Variants in SUPT3H observed in about 807,000 individuals in gnomAD.
SUPT3H encodes SPT3 homolog, SAGA and STAGA complex component.
SUPT3H carries 44 observed loss-of-function variants against 44.3 expected under a neutral mutation model. The observed-to-expected ratio is 0.99, with a 90% confidence interval of 0.78 to 1.28. The LOEUF (loss-of-function observed/expected upper bound fraction) is 1.28. Ranked by LOEUF, SUPT3H falls within the 50% of genes most tolerant of loss-of-function variation. The pLI is 0.00. For synonymous variants in SUPT3H, 124 were observed against 125.6 expected, an observed-to-expected ratio of 0.99 and a Z score of 0.09; for missense variants, 380 against 387.1, an observed-to-expected ratio of 0.98 and a Z score of 0.15.
chr6:44,870,598 CAAAAAAAAAAAAA>C (rs775096457), intron 10 of SUPT3H, among the ~76,000 whole-genome samples: 1 of 73,932 alleles, frequency 1.4e-5, no homozygotes, highest in Admixed American at 1.5e-4. Context: ...GACTCTGTCT[CAAAAAAAAAAAAA>C]AAAAGAAAGA....
intron 4 of SUPT3H, among the ~76,000 whole-genome samples, chr6:45,018,668 G>C (rs1262643264): frequency 6.6e-6 from 1 of 151,930 alleles, no homozygotes; most frequent in Non-Finnish European, 1.5e-5. Context: ...TGCGTATATT[G>C]AACTAGCCTT....
chr6:44,970,030 T>C (rs1777344282), intron 6 of SUPT3H, among the ~76,000 whole-genome samples: 2 of 152,180 alleles, frequency 1.3e-5, no homozygotes, highest in Admixed American at 1.3e-4. Context: ...TGTGCTACTA[T>C]GACATAATAG....
At chr6:45,215,358 C>A (rs1024259742) in intron 2 of SUPT3H, among the ~76,000 whole-genome samples, 8 of 152,038 alleles carry the variant, frequency 5.3e-5, no homozygotes, top group Non-Finnish European at 1.2e-4. Flanking sequence ...AAAAAGATAA[C>A]TATGATATGC....
At chr6:44,918,147 A>G (rs1768104828) in intron 10 of SUPT3H, among the ~76,000 whole-genome samples, 1 of 152,088 alleles carries the variant, frequency 6.6e-6, no homozygotes, top group Admixed American at 6.6e-5. Flanking sequence ...TCCCCTTGAA[A>G]CCACTCCCAC....
At chr6:45,175,872 G>A (rs1020465262) in intron 2 of SUPT3H, among the ~76,000 whole-genome samples, 9 of 152,166 alleles carry the variant, frequency 5.9e-5, no homozygotes, top group African/African-American at 7.2e-5. Context: ...TTATTCTCAT[G>A]TGACATCAAG....
At chr6:45,022,421 T>G (rs1459023434) in intron 3 of SUPT3H, among the ~76,000 whole-genome samples, 4 of 151,992 alleles carry the variant, frequency 2.6e-5, no homozygotes, top group South Asian at 2.1e-4. Context: ...CACTGTTTTT[T>G]TTTTTTTTTT....
chr6:44,950,798 CT>C (rs11413627), intron 9 of SUPT3H, among the ~76,000 whole-genome samples: 3,392 of 135,382 alleles, frequency 0.025, 109 homozygotes, highest in African/African-American at 0.078. Context: ...CCATTTGGAT[CT>C]TTTTTTTTTT....
At chr6:45,118,845 T>G (rs1801200777) in intron 2 of SUPT3H, among the ~76,000 whole-genome samples, 1 of 152,194 alleles carries the variant, frequency 6.6e-6, no homozygotes, top group South Asian at 2.1e-4. Flanking sequence ...CCCTGTTATG[T>G]TCTTTGGCCA....
intron 2 of SUPT3H, among the ~76,000 whole-genome samples, chr6:45,326,432 T>C (rs1786354747): frequency 6.6e-6 from 1 of 151,924 alleles, no homozygotes; most frequent in Admixed American, 6.6e-5. Context: ...GACTTATTTA[T>C]AAAAGAGAAA....
chr6:44,891,165 A>G lies in SUPT3H; in HGVS notation c.912+41488T>C, dbSNP rs1763256301. On this transcript the variant is annotated intron_variant, in intron 10 of 10. Coordinates refer to ENST00000371459, the MANE Select transcript of SUPT3H (RefSeq NM_003599.4). ...GAAGACCTCTTAAGAAGTCAAAAAA[A>G]GAAATAAAAAATAAAATGGTACAGC... Among the ~76,000 whole-genome samples, 3 of 152,304 alleles carry G rather than the reference A, an allele frequency of 2.0e-5. No homozygotes were observed. The South Asian group carries it at 6.2e-4, about 32-fold the overall frequency.
intron 1 of SUPT3H, among the ~76,000 whole-genome samples, chr6:45,375,710 A>C (rs1582026697): frequency 6.6e-6 from 1 of 152,274 alleles, no homozygotes; most frequent in East Asian, 1.9e-4. Context: ...TGCCTGGCCC[A>C]AGGGCACCAT....
chr6:45,164,154 G>A (rs1291229704), intron 2 of SUPT3H, among the ~76,000 whole-genome samples: 1 of 152,142 alleles, frequency 6.6e-6, no homozygotes, highest in East Asian at 1.9e-4. Flanking sequence ...GTGGGGGGCA[G>A]TGCAGTGTAG....
At position 45,273,355 on chromosome 6, in the gene SUPT3H, C is replaced by T. The variant is rs889389562; in HGVS notation, c.101+91846G>A. ...AACTGCTGATCTCTTGGGGCACTGTCGTCCTCATATACTTCTTGTGAAGCA... is the reference window on the plus strand; with the variant it reads ...AACTGCTGATCTCTTGGGGCACTGTTGTCCTCATATACTTCTTGTGAAGCA... On this transcript the variant is annotated intron_variant, in intron 2 of 10. Coordinates refer to ENST00000371459, the MANE Select transcript of SUPT3H (RefSeq NM_003599.4). Among the ~76,000 whole-genome samples, 5 of 152,140 alleles carry T rather than the reference C, an allele frequency of 3.3e-5. No homozygotes were observed. In the East Asian group the frequency reaches 7.7e-4, roughly 23 times the overall value.
intron 2 of SUPT3H, among the ~76,000 whole-genome samples, chr6:45,312,452 T>C (rs932908627): frequency 6.6e-6 from 1 of 150,730 alleles, no homozygotes; most frequent in Non-Finnish European, 1.5e-5. Context: ...GAAGCGGAGC[T>C]TGCAGTGAGC....
At chr6:45,056,099 G>A (rs1448028559) in intron 3 of SUPT3H, among the ~76,000 whole-genome samples, 1 of 151,986 alleles carries the variant, frequency 6.6e-6, no homozygotes, top group Non-Finnish European at 1.5e-5. Flanking sequence ...TAATGATCAG[G>A]GGAATGCAAA....
At chr6:45,158,298 A>ATATATATATATATATATATATTTT in intron 2 of SUPT3H, among the ~76,000 whole-genome samples, 2 of 99,688 alleles carry the variant, frequency 2.0e-5, no homozygotes, top group African/African-American at 1.0e-4. Flanking sequence ...ATATATATAT[A>ATATATATATATATATATATATTTT]TTTTTTTTTT....
chr6:45,046,660 G>T (rs1789449546), intron 3 of SUPT3H, among the ~76,000 whole-genome samples: 1 of 152,190 alleles, frequency 6.6e-6, no homozygotes, highest in Non-Finnish European at 1.5e-5. Context: ...TTTACAGTGA[G>T]TTTTAAAACA....
At position 44,937,558 on chromosome 6, in the gene SUPT3H, CAT is replaced by C. The variant is rs1255536045; in HGVS notation, c.802-4797_802-4796del. Among the ~76,000 whole-genome samples the C allele has an allele frequency of 2.6e-5, 4 of 152,036 alleles. No homozygotes were observed. In the East Asian group the frequency reaches 5.8e-4, roughly 22 times the overall value. The stretch of plus-strand genomic sequence containing the variant: ...AATTTACATTCCCAACAACAGTGTA[CAT>C]GAGTTCCCTTTTCTCCATATCCTCA... On this transcript the variant is annotated intron_variant, in intron 9 of 10. Coordinates refer to ENST00000371459, the MANE Select transcript of SUPT3H (RefSeq NM_003599.4).
chr6:44,854,792 T>C (rs139160052), intron 10 of SUPT3H, among the ~76,000 whole-genome samples: 7 of 152,336 alleles, frequency 4.6e-5, no homozygotes, highest in Admixed American at 1.3e-4. Context: ...TTTATTTCCA[T>C]CTGGATAATT....
Sources: allele counts gnomAD v4.1 joint callset (sites outside exome capture counted in the v4.1 genomes callset), GRCh38; gene constraint gnomAD v4.1.1; transcripts MANE v1.5; gene names NCBI Gene and HGNC (gene_info 2026-07-23, HGNC 2026-07-21).